The following ANKRD22 variants were observed in gnomAD, a reference collection of about 807,000 sequenced individuals.
ANKRD22 encodes ankyrin repeat domain-containing protein 22.
In ANKRD22, 24 loss-of-function variants were observed where a neutral mutation model predicts 25.7. That is an observed-to-expected ratio of 0.93 (90% CI 0.68 to 1.31). ANKRD22 has a LOEUF of 1.31. Among genes scored for constraint, ANKRD22 ranks in the 50% most tolerant of loss-of-function variants. The pLI, the probability that ANKRD22 is intolerant of heterozygous loss-of-function variation, is 0.00. For synonymous variants in ANKRD22, 84 were observed against 84.3 expected (o/e 1.00, Z 0.02); for missense variants, 214 against 227.1 (o/e 0.94, Z 0.37).
chr10:88,850,285 T>G (rs147285445), intron 1 of ANKRD22, among the ~76,000 whole-genome samples: 42 of 152,160 alleles, frequency 2.8e-4, no homozygotes, highest in African/African-American at 9.6e-4. Context: ...TTTTCCTTTT[T>G]CCAAATCACA....
At chr10:88,837,849 T>C (rs1403074331) in intron 1 of ANKRD22, among the ~76,000 whole-genome samples, 1 of 152,198 alleles carries the variant, frequency 6.6e-6, no homozygotes, top group Non-Finnish European at 1.5e-5. Flanking sequence ...ACACAAGCTC[T>C]CTTTTGCCAG....
chr10:88,838,360 T>C (rs529972945), intron 1 of ANKRD22, among the ~76,000 whole-genome samples: 1 of 152,278 alleles, frequency 6.6e-6, no homozygotes, highest in African/African-American at 2.4e-5. Flanking sequence ...ACCATTAAAT[T>C]CAGTCTTAAT....
At chr10:88,830,747 G>A (rs1843895708) in intron 2 of ANKRD22, among the ~76,000 whole-genome samples, 1 of 152,098 alleles carries the variant, frequency 6.6e-6, no homozygotes, top group African/African-American at 2.4e-5. Context: ...CCTTGCCCAT[G>A]GGCTAACGTC....
intron 4 of ANKRD22, among the ~76,000 whole-genome samples, chr10:88,824,540 A>T (rs1589321667): frequency 6.6e-6 from 1 of 152,348 alleles, no homozygotes; most frequent in Admixed American, 6.5e-5. Flanking sequence ...TAGAAAGTAG[A>T]TTTTAATACT....
At position 88,822,808 on chromosome 10, in the gene ANKRD22, A is replaced by G; in HGVS notation, c.*133T>C. The G allele has an allele frequency of 1.3e-6, 1 of 778,110 alleles. No individual in the cohort carries two copies. The highest frequency in any genetic ancestry group is 2.1e-6 in the Non-Finnish European group (1 of 465,190). 48.2% of individuals were successfully genotyped at this position (778,110 alleles called of 1,614,324 possible). On this transcript the variant is annotated 3_prime_UTR_variant, in exon 6 of 6. Coordinates refer to ENST00000371930, the MANE Select transcript of ANKRD22 (RefSeq NM_144590.3). ...AAATAAAAAGCTCTTCCAAAACATT[A>G]ACCATGGTAAGCATCATTATCCCCA... is the stretch of plus-strand genomic sequence containing the variant.
chr10:88,843,707 T>A (rs1844023420), intron 1 of ANKRD22, among the ~76,000 whole-genome samples: 1 of 152,164 alleles, frequency 6.6e-6, no homozygotes, highest in South Asian at 2.1e-4. Flanking sequence ...AGAAATCAAC[T>A]AACATCAAGA....
intron 1 of ANKRD22, among the ~76,000 whole-genome samples, chr10:88,841,658 T>A (rs1399194077): frequency 6.6e-6 from 1 of 152,154 alleles, no homozygotes; most frequent in Non-Finnish European, 1.5e-5. Flanking sequence ...ACCTCATAAG[T>A]GACCTTAACC....
At position 88,831,929 on chromosome 10, in the gene ANKRD22, C is replaced by T. The variant is rs1843907453; in HGVS notation, c.119G>A (p.Gly40Glu). Reference sequence around the variant, plus strand: ...GCAAGCACAGATCAGGGGCGTGTCTCCATTAAAGCCATCTTGAACGTTGGC... The same window carrying T: ...GCAAGCACAGATCAGGGGCGTGTCTTCATTAAAGCCATCTTGAACGTTGGC... Reference protein sequence around the residue: ...SYANVQDGFNGDTPLICACRR... With the variant: ...SYANVQDGFNEDTPLICACRR... Residue 40 changes from glycine to glutamate, a missense_variant, in exon 2 of 6, where the codon GGA becomes GAA. By Grantham distance (98) the Gly-to-Glu change is moderately conservative. Coordinates refer to ENST00000371930, the MANE Select transcript of ANKRD22 (RefSeq NM_144590.3). 1 of 1,613,996 alleles carries T rather than the reference C, an allele frequency of 6.2e-7. No homozygotes were observed. Among genetic ancestry groups the T allele is most frequent in the South Asian group, 1.1e-5 (1 of 91,074 alleles).
chr10:88,837,858 A>G (rs1843968524), intron 1 of ANKRD22, among the ~76,000 whole-genome samples: 2 of 152,202 alleles, frequency 1.3e-5, no homozygotes, highest in African/African-American at 4.8e-5. Flanking sequence ...CTCTTTTGCC[A>G]GCTGCCATGA....
chr10:88,820,554 C>T lies in ANKRD22; in HGVS notation c.*2387G>A. ...AACCTCCTGAGGGATGGGGCTAGGA[C>T]CCATGAAGGCAGAATTACGGAGAGC... On this transcript the variant is annotated 3_prime_UTR_variant, in exon 6 of 6. Transcript: ENST00000371930. 1.3e-6 allele frequency: 2 copies of T among 1,492,926 alleles called. No homozygotes were observed. Among genetic ancestry groups the T allele is most frequent in the Non-Finnish European group, 1.8e-6 (2 of 1,116,722 alleles). 92.5% of individuals were successfully genotyped at this position (1,492,926 alleles called of 1,614,324 possible).
intron 1 of ANKRD22, among the ~76,000 whole-genome samples, chr10:88,851,054 A>T (rs994098225): frequency 1.3e-5 from 2 of 152,198 alleles, no homozygotes; most frequent in Non-Finnish European, 2.9e-5. Context: ...AGTATTTATC[A>T]GATGTGAAAA....
intron 1 of ANKRD22, 97 bp from the exon 2 acceptor site, chr10:88,832,123 T>C: frequency 7.7e-7 from 1 of 1,302,132 alleles, no homozygotes; most frequent in South Asian, 1.5e-5. Flanking sequence ...AAAATTTAAA[T>C]GTTTTAAAAT....
At chr10:88,839,206 G>A (rs1265507087) in intron 1 of ANKRD22, among the ~76,000 whole-genome samples, 1 of 152,116 alleles carries the variant, frequency 6.6e-6, no homozygotes, top group Non-Finnish European at 1.5e-5. Flanking sequence ...CACCTCCTCA[G>A]AGAGGACTTC....
At chr10:88,843,035 T>A (rs982016725) in intron 1 of ANKRD22, among the ~76,000 whole-genome samples, 1 of 152,166 alleles carries the variant, frequency 6.6e-6, no homozygotes, top group Admixed American at 6.6e-5. Flanking sequence ...TGATTTTATG[T>A]CCCAGAAATT....
intron 1 of ANKRD22, among the ~76,000 whole-genome samples, chr10:88,842,976 A>C (rs1270789541): frequency 6.6e-6 from 1 of 152,096 alleles, no homozygotes; most frequent in Non-Finnish European, 1.5e-5. Flanking sequence ...TACTGAAGAC[A>C]ATTATTTTTT....
In ANKRD22 at chr10:88,820,012, TC is replaced by T. The variant is rs749274045; in HGVS notation, c.*2928del. On this transcript the variant is annotated 3_prime_UTR_variant, in exon 6 of 6. Coordinates refer to ENST00000371930, the MANE Select transcript of ANKRD22 (RefSeq NM_144590.3). ...ATCTAGCAAGTTATTACAGATATTA[TC>T]CCCAGTCACAGAAGAAGAAACTGAG... Among the ~76,000 whole-genome samples, 1 of 152,182 alleles carries T rather than the reference TC, an allele frequency of 6.6e-6. No individual in the cohort carries two copies. The highest frequency in any genetic ancestry group is 2.4e-5 in the African/African-American group (1 of 41,434).
At chr10:88,841,026 C>G (rs1359011443) in intron 1 of ANKRD22, among the ~76,000 whole-genome samples, 1 of 152,090 alleles carries the variant, frequency 6.6e-6, no homozygotes, top group Admixed American at 6.6e-5. Context: ...GAAATAGAAG[C>G]AGGGCACATA....
chr10:88,832,321 T>C (rs1473697597), intron 1 of ANKRD22, among the ~76,000 whole-genome samples: 3 of 152,168 alleles, frequency 2.0e-5, no homozygotes, highest in Non-Finnish European at 4.4e-5. Context: ...GGAAACTATG[T>C]ATAGTGCTTA....
intron 1 of ANKRD22, among the ~76,000 whole-genome samples, chr10:88,838,180 A>G (rs1843971729): frequency 6.6e-6 from 1 of 152,160 alleles, no homozygotes; most frequent in South Asian, 2.1e-4. Context: ...GGCTTTGAAA[A>G]CCAGGTTGTA....
Sources: allele counts gnomAD v4.1 joint callset (sites outside exome capture counted in the v4.1 genomes callset), GRCh38; gene constraint gnomAD v4.1.1; transcripts MANE v1.5; gene names NCBI Gene and HGNC (gene_info 2026-07-23, HGNC 2026-07-21).